The following SHOX2 variants were observed in gnomAD, a reference collection of about 807,000 sequenced individuals.
The protein encoded by SHOX2 is short stature homeobox protein 2.
A neutral mutation model predicts 31.3 loss-of-function variants in SHOX2; 13 were observed. That is an observed-to-expected ratio of 0.42 (90% CI 0.27 to 0.66). The LOEUF (loss-of-function observed/expected upper bound fraction) is 0.66, where lower values mean the gene tolerates loss of function less well. SHOX2 is among the 30% of genes least tolerant of loss of function. The probability of loss-of-function intolerance (pLI) is 0.27; values close to 1 mark genes in which losing one functional copy is unlikely to be tolerated. For synonymous variants in SHOX2, 244 were observed against 196.2 expected, an observed-to-expected ratio of 1.24 and a Z score of -2.04; for missense variants, 473 against 443.0, an observed-to-expected ratio of 1.07 and a Z score of -0.61.
At chr3:158,100,401 T>C in intron 2 of SHOX2, 90 bp from the exon 3 acceptor site, 3 of 936,432 alleles carry the variant, frequency 3.2e-6, no homozygotes, top group Non-Finnish European at 4.7e-6. Flanking sequence ...AAAAGAGTCG[T>C]GGTTTAGACA....
chr3:158,098,224 G>A lies in SHOX2; in HGVS notation c.763C>T (p.His255Tyr), dbSNP rs1311210421. 1.2e-6 allele frequency: 2 copies of A among 1,613,828 alleles called. No homozygotes were observed. Among genetic ancestry groups the A allele is most frequent in the African/African-American group, 2.7e-5 (2 of 74,936 alleles). Residue 255 changes from histidine to tyrosine, a missense_variant, in exon 5 of 5, where the codon CAC becomes TAC. By Grantham distance (83) the His-to-Tyr change is moderately conservative. Transcript: ENST00000483851. ...VAHAHHHLHP[H>Y]LAAHAPYMMF... is the part of the protein sequence containing the mutation. Reference sequence around the variant, plus strand: ...ATGTAGGGCGCGTGCGCGGCCAGGTGCGGATGCAGGTGGTGGTGCGCGTGC... The same window carrying A: ...ATGTAGGGCGCGTGCGCGGCCAGGTACGGATGCAGGTGGTGGTGCGCGTGC...
intron 3 of SHOX2, 70 bp from the exon 4 acceptor site, chr3:158,100,018 A>G (rs1427251249): frequency 3.1e-6 from 4 of 1,275,962 alleles, no homozygotes; most frequent in Non-Finnish European, 4.5e-6. Flanking sequence ...TCCAAAGGGT[A>G]CAAGACAGAA....
chr3:158,100,019 C>T (rs545182833), intron 3 of SHOX2, 71 bp from the exon 4 acceptor site: 50 of 1,276,384 alleles, frequency 3.9e-5, no homozygotes, highest in Admixed American at 5.7e-5. Context: ...CCAAAGGGTA[C>T]AAGACAGAAC....
rs1713214524 is a variant in SHOX2, at chr3:158,097,790, C to T, written c.*237G>A. On this transcript the variant is annotated 3_prime_UTR_variant, in exon 5 of 5. Transcript: ENST00000483851. The stretch of plus-strand genomic sequence containing the variant: ...GCTCCTACAAAACCCAATTCTAGGC[C>T]CTCGAGTAGGAAAACGGGCAGGAGC... 3 of 583,620 alleles carry T rather than the reference C, an allele frequency of 5.1e-6. No homozygotes were observed. The East Asian group carries it at 8.9e-5, about 17-fold the overall frequency. 36.2% of individuals were successfully genotyped at this position (583,620 alleles called of 1,614,324 possible). A position where few individuals can be genotyped will look rare whatever the true frequency, so the allele number is the denominator to read the frequency against.
intron 1 of SHOX2, among the ~76,000 whole-genome samples, 198 bp downstream of exon 1, chr3:158,105,481 A>G (rs1424340026): frequency 7.0e-6 from 1 of 142,718 alleles, no homozygotes; most frequent in Non-Finnish European, 1.5e-5. Flanking sequence ...CCCCCACAAC[A>G]CACTAGGACC....
In SHOX2 at chr3:158,097,478, T is replaced by C. The variant is rs992026308; in HGVS notation, c.*549A>G. On this transcript the variant is annotated 3_prime_UTR_variant, in exon 5 of 5. Coordinates refer to ENST00000483851, the MANE Select transcript of SHOX2 (RefSeq NM_001163678.2). The stretch of plus-strand genomic sequence containing the variant: ...TCCCCCCAGTCTCTCGAGAATCGTC[T>C]GGGTTGTTTTTCCATATTTTTAAAT... 1.3e-5 allele frequency: 2 copies of C among 152,316 alleles called. No homozygotes were observed. The highest frequency in any genetic ancestry group is 2.9e-5 in the Non-Finnish European group (2 of 68,100). The allele number at this position is 152,316 out of a possible 1,614,324, so 9.4% of individuals were successfully genotyped here.
At chr3:158,102,337 GA>G (rs1215828267) in intron 2 of SHOX2, among the ~76,000 whole-genome samples, 3 of 151,828 alleles carry the variant, frequency 2.0e-5, no homozygotes. Context: ...TTTTCTGTGG[GA>G]TTTTTTTTTA....
chr3:158,099,144 T>G (rs1047035083), intron 4 of SHOX2, among the ~76,000 whole-genome samples: 1 of 152,104 alleles, frequency 6.6e-6, no homozygotes, highest in Non-Finnish European at 1.5e-5. Flanking sequence ...CAAGCAGGGG[T>G]CCTGGCTGAG....
In SHOX2 at chr3:158,097,196, T is replaced by A. The variant is rs890992506; in HGVS notation, c.*831A>T. The A allele has an allele frequency of 2.0e-5, 3 of 152,298 alleles. No individual in the cohort carries two copies. The East Asian group carries it at 5.8e-4, about 29-fold the overall frequency. 9.4% of individuals were successfully genotyped at this position (152,298 alleles called of 1,614,324 possible). A position where few individuals can be genotyped will look rare whatever the true frequency, so the allele number is the denominator to read the frequency against. On this transcript the variant is annotated 3_prime_UTR_variant, in exon 5 of 5. Transcript: ENST00000483851. ...AATATTATTTTTCTCTCTCCTCGTT[T>A]TAATATTTTCTCTTTTCTTGCTCTT...
intron 1 of SHOX2, chr3:158,105,023 T>TCCCCCCCCCCCCCACCCCCCCCCC: frequency 4.9e-6 from 1 of 204,910 alleles, no homozygotes; most frequent in Non-Finnish European, 9.0e-6. Context: ...GATCCCCACC[T>TCCCCCCCCCCCCCACCCCCCCCCC]CCCCCGCCGC....
At position 158,106,007 on chromosome 3, in the gene SHOX2, C is replaced by T. The variant is rs745688821; in HGVS notation, c.18G>A (p.Ala6=). 3.7e-6 allele frequency: 6 copies of T among 1,613,048 alleles called. No individual in the cohort carries two copies. Among genetic ancestry groups the T allele is most frequent in the Non-Finnish European group, 5.1e-6 (6 of 1,179,666 alleles). MEELT[A]FVSKSFDQKV... The stretch of plus-strand genomic sequence containing the variant: ...TCTGGTCAAAAGACTTGGAGACGAA[C>T]GCCGTAAGTTCTTCCATCGCCGCCG... The change falls in exon 1 of 5, where the codon GCG becomes GCA. Residue 6 remains alanine (A), a synonymous_variant. Transcript: ENST00000483851.
Position 158,105,792 on chromosome 3 carries a change from A to ACACCTCCTCCACCTCCTC in SHOX2, c.232_233insGAGGAGGTGGAGGAGGTG (p.Gly72_Gly77dup). On this transcript the variant is annotated inframe_insertion, in exon 1 of 5. Transcript: ENST00000483851. ...TCCTCCGCCTGCTCCTCCTCCTCCT[A>ACACCTCCTCCACCTCCTC]CACCTCCTCCGCCTCCTCCGCCGCC... is the stretch of plus-strand genomic sequence containing the variant. 6.8e-7 allele frequency: 1 copy of ACACCTCCTCCACCTCCTC among 1,466,082 alleles called. No homozygotes were observed. The highest frequency in any genetic ancestry group is 9.0e-7 in the Non-Finnish European group (1 of 1,111,984). The allele number at this position is 1,466,082 out of a possible 1,614,324, so 90.8% of individuals were successfully genotyped here.
At chr3:158,105,024 CCCCCGCCG>C in intron 1 of SHOX2, 1 of 284,952 alleles carries the variant, frequency 3.5e-6, no homozygotes, top group South Asian at 2.1e-5. Context: ...ATCCCCACCT[CCCCCGCCG>C]CCCCCCCCCC....
rs938635207 is a variant in SHOX2 at position 158,098,209 on chromosome 3, C to A, written c.778G>T (p.Ala260Ser). The part of the protein sequence containing the change: ...HHLHPHLAAH[A>S]PYMMFPAPPF... ...GGTGCTGGGAACATCATGTAGGGCG[C>A]GTGCGCGGCCAGGTGCGGATGCAGG... Residue 260 changes from alanine to serine, a missense_variant, in exon 5 of 5, where the codon GCG becomes TCG. By Grantham distance (99) the Ala-to-Ser change is moderately conservative. Coordinates refer to ENST00000483851, the MANE Select transcript of SHOX2 (RefSeq NM_001163678.2). 5 of 1,613,846 alleles carry A rather than the reference C, an allele frequency of 3.1e-6. No individual in the cohort carries two copies. The highest frequency in any genetic ancestry group is 4.2e-6 in the Non-Finnish European group (5 of 1,179,886).
rs1465317896 is a variant in SHOX2 at position 158,098,139 on chromosome 3, G to C, written c.848C>G (p.Ser283Cys). ...PLATLAADSA[S>C]AASVVAAAAA... The stretch of plus-strand genomic sequence containing the variant: ...TGCGGCCGCCACTACCGAGGCGGCG[G>C]AAGCCGAATCCGCGGCCAGCGTGGC... The change falls in exon 5 of 5, where the codon TCC (serine) becomes TGC (cysteine). Residue 283 changes from serine to cysteine, a missense_variant. Around this residue, in one of 3 missense-constraint regions of SHOX2, gnomAD observed 182 missense variants for 167.2 expected, o/e 1.09. Transcript: ENST00000483851. The C allele has an allele frequency of 2.5e-6, 4 of 1,613,260 alleles. No individual in the cohort carries two copies. In the African/African-American group the frequency reaches 4.0e-5, roughly 16 times the overall value.
Position 158,105,921 on chromosome 3 carries a change from C to G in SHOX2, c.104G>C (p.Arg35Pro). 6.2e-7 allele frequency: 1 copy of G among 1,605,860 alleles called. No individual in the cohort carries two copies. ...YREVLESGPL[R>P]GAKEPTGCTE... ...GCAGCCGGTCGGCTCCTTGGCCCCG[C>G]GCAGCGGCCCGCTCTCCAGCACCTC... Residue 35 changes from arginine to proline, a missense_variant, in exon 1 of 5, where the codon CGC becomes CCC. Around this residue, in one of 3 missense-constraint regions of SHOX2, gnomAD observed 276 missense variants for 230.0 expected, o/e 1.20. Coordinates refer to ENST00000483851, the MANE Select transcript of SHOX2 (RefSeq NM_001163678.2).
Position 158,105,895 on chromosome 3 carries a change from T to G in SHOX2, c.130A>C (p.Thr44Pro). Residue 44 changes from threonine to proline, a missense_variant, in exon 1 of 5, where the codon ACC (threonine) becomes CCC (proline). Around this residue, in one of 3 missense-constraint regions of SHOX2, gnomAD observed 276 missense variants for 230.0 expected, o/e 1.20. Transcript: ENST00000483851. ...CTGCGGTCGTCGCGGCCCGCCTCGG[T>G]GCAGCCGGTCGGCTCCTTGGCCCCG... is the stretch of plus-strand genomic sequence containing the variant. Reference protein sequence around the residue: ...LRGAKEPTGCTEAGRDDRSSP... With the variant: ...LRGAKEPTGCPEAGRDDRSSP... 1 of 1,582,982 alleles carries G rather than the reference T, an allele frequency of 6.3e-7. No homozygotes were observed. Among genetic ancestry groups the G allele is most frequent in the Non-Finnish European group, 8.6e-7 (1 of 1,166,572 alleles).
rs752833777 is a variant in SHOX2, at chr3:158,099,694, C to A, written c.702+166G>T. Among the ~76,000 whole-genome samples, 9 of 152,250 alleles carry A rather than the reference C, an allele frequency of 5.9e-5. No individual in the cohort carries two copies. The South Asian group carries it at 1.5e-3, about 25-fold the overall frequency. On this transcript the variant is annotated intron_variant, in intron 4 of 4. Coordinates refer to ENST00000483851, the MANE Select transcript of SHOX2 (RefSeq NM_001163678.2). ...GACTAGGCATTCAGGCCTTTAATAC[C>A]GTATAGGTTTTTAAAGGGTAGTGGG...
At position 158,096,651 on chromosome 3, in the gene SHOX2, T is replaced by A. The variant is rs573373291; in HGVS notation, c.*1376A>T. On this transcript the variant is annotated 3_prime_UTR_variant, in exon 5 of 5. Coordinates refer to ENST00000483851, the MANE Select transcript of SHOX2 (RefSeq NM_001163678.2). ...ATAAACCACTGTCTTCAAATAGGAC[T>A]TCAGGAAACCAACAAGAAGGAACAC... 30 of 152,318 alleles carry A rather than the reference T, an allele frequency of 2.0e-4. 1 individual carries two copies. In the South Asian group the frequency reaches 2.3e-3, roughly 12 times the overall value. 9.4% of individuals were successfully genotyped at this position (152,318 alleles called of 1,614,324 possible).
Sources: allele counts gnomAD v4.1 joint callset (sites outside exome capture counted in the v4.1 genomes callset), GRCh38; gene constraint gnomAD v4.1.1; regional missense constraint gnomAD v4.1.1; transcripts MANE v1.5; gene names NCBI Gene and HGNC (gene_info 2026-07-23, HGNC 2026-07-21).